KIAA0586: variants seen among roughly 807,000 people sequenced by gnomAD.
The protein encoded by KIAA0586 is KIAA0586, also known as protein TALPID3.
In KIAA0586, 144 loss-of-function variants were observed where a neutral mutation model predicts 169.8. The observed-to-expected ratio is 0.85, with a 90% CI of 0.74 to 0.97. KIAA0586 has a LOEUF of 0.97. KIAA0586 is among the 50% of genes least tolerant of loss of function. The pLI, the probability that KIAA0586 is intolerant of heterozygous loss-of-function variation, is 0.00. For synonymous variants in KIAA0586, 625 were observed against 612.4 expected (o/e 1.02, Z -0.30); for missense variants, 1,854 against 1,823.0 (o/e 1.02, Z -0.31).
In KIAA0586 at chr14:58,537,882, C is replaced by G. The variant is rs992648684; in HGVS notation, c.4430-2189C>G. Among the ~76,000 whole-genome samples the G allele has an allele frequency of 2.6e-5, 4 of 152,166 alleles. No homozygotes were observed. In the East Asian group the frequency reaches 7.7e-4, roughly 29 times the overall value. On this transcript the variant is annotated intron_variant, in intron 29 of 30. Transcript: ENST00000652326. ...CAGGATGGTCTCGATCTCCTGACCT[C>G]CTGATCTTCCCACCTTGGCCTCCCA...
chr14:58,483,083 A>T (rs542643204), intron 21 of KIAA0586, among the ~76,000 whole-genome samples: 3 of 152,344 alleles, frequency 2.0e-5, no homozygotes, highest in Non-Finnish European at 4.4e-5. Flanking sequence ...CCATTGGTGT[A>T]CGTGGAGAAT....
intron 15 of KIAA0586, among the ~76,000 whole-genome samples, chr14:58,466,383 T>C (rs1184049114): frequency 6.6e-6 from 1 of 152,200 alleles, no homozygotes; most frequent in Non-Finnish European, 1.5e-5. Flanking sequence ...CTGCTGTAGT[T>C]TCACCAATAG....
At chr14:58,503,348 G>A (rs1187354349) in intron 27 of KIAA0586, among the ~76,000 whole-genome samples, 1 of 152,202 alleles carries the variant, frequency 6.6e-6, no homozygotes, top group East Asian at 1.9e-4. Flanking sequence ...GTGCAGAGGA[G>A]GAACTTAACT....
At chr14:58,489,975 CTT>C (rs1184946901) in intron 24 of KIAA0586, among the ~76,000 whole-genome samples, 187 bp from the exon 25 acceptor site, 1 of 152,008 alleles carries the variant, frequency 6.6e-6, no homozygotes, top group East Asian at 1.9e-4. Context: ...AAATTCTCAT[CTT>C]TGTTATAAAT....
In KIAA0586 at chr14:58,442,875, A is replaced by G; in HGVS notation, c.580A>G (p.Ile194Val). ...TGCCATTGCAACCGCAGCTCCGTTG[A>G]TAAAGGTATATTTTTCTTCCCAGAT... Reference protein sequence around the residue: ...AAAIATAAPLIKVQSDLEAKV... With the variant: ...AAAIATAAPLVKVQSDLEAKV... Residue 194 changes from isoleucine (I) to valine (V), a missense_variant, in exon 5 of 31, where the codon ATA becomes GTA. Ile to Val is a conservative substitution (Grantham distance 29). Transcript: ENST00000652326. 6.2e-7 allele frequency: 1 copy of G among 1,600,390 alleles called. No individual in the cohort carries two copies. The highest frequency in any genetic ancestry group is 8.5e-7 in the Non-Finnish European group (1 of 1,173,660).
chr14:58,536,899 CA>C (rs1461994027), intron 29 of KIAA0586: 1 of 345,624 alleles, frequency 2.9e-6, no homozygotes, highest in African/African-American at 2.2e-5. Context: ...CAGCATTGCT[CA>C]TTCAAAATTT....
At chr14:58,509,844 A>C (rs2044259804) in intron 28 of KIAA0586, among the ~76,000 whole-genome samples, 1 of 152,076 alleles carries the variant, frequency 6.6e-6, no homozygotes, top group Non-Finnish European at 1.5e-5. Context: ...TGGTCTTATC[A>C]AAAATAAGAA....
chr14:58,450,983 CTTTT>C (rs10712126), intron 8 of KIAA0586, among the ~76,000 whole-genome samples: 3 of 85,390 alleles, frequency 3.5e-5, no homozygotes, highest in Non-Finnish European at 7.0e-5. Flanking sequence ...GTTTTGTTAA[CTTTT>C]TTTTTTTTTT....
chr14:58,464,137 A>C lies in KIAA0586; in HGVS notation c.2060-1698A>C, dbSNP rs374848503. ...TGGGCTGGAAGAACTGGAAGGTGAA[A>C]ACAAGATACCTGCCACACAAAAGAG... is the stretch of plus-strand genomic sequence containing the variant. On this transcript the variant is annotated intron_variant, in intron 14 of 30. Coordinates refer to ENST00000652326, the MANE Select transcript of KIAA0586 (RefSeq NM_001329943.3). The C allele has an allele frequency of 1.2e-5, 5 of 400,838 alleles. 1 individual carries two copies. 24.8% of individuals were successfully genotyped at this position (400,838 alleles called of 1,614,324 possible).
intron 9 of KIAA0586, among the ~76,000 whole-genome samples, chr14:58,454,191 TGA>T: frequency 6.6e-6 from 1 of 152,320 alleles, no homozygotes; most frequent in Admixed American, 6.5e-5. Flanking sequence ...TATTATTTTT[TGA>T]GTTATTTTCT....
At chr14:58,492,053 T>C (rs945886587) in intron 25 of KIAA0586, 91 bp from the exon 26 acceptor site, 9 of 1,049,188 alleles carry the variant, frequency 8.6e-6, no homozygotes, top group Middle Eastern at 3.2e-4. Flanking sequence ...CATCATCTCA[T>C]GACTGATAAG....
In KIAA0586 at chr14:58,429,690, CT is replaced by C. The variant is rs146593175; in HGVS notation, c.270+258del. Reference sequence around the variant, plus strand: ...GAGATAGGATAACTGAAAAGAAACTCTCTTACTATTCAGGGAAAAGGTGTTC... The same window carrying C: ...GAGATAGGATAACTGAAAAGAAACTCCTTACTATTCAGGGAAAAGGTGTTC... On this transcript the variant is annotated intron_variant, in intron 2 of 30. Transcript: ENST00000652326. 0.049 allele frequency among the ~76,000 whole-genome samples: 7,478 copies of C among 152,148 alleles called. 257 individuals are homozygous for C. Among genetic ancestry groups the C allele is most frequent in the South Asian group, 0.11 (547 of 4,824 alleles).
At chr14:58,435,187 C>G (rs1198321512) in intron 4 of KIAA0586, among the ~76,000 whole-genome samples, 3 of 152,192 alleles carry the variant, frequency 2.0e-5, no homozygotes, top group Non-Finnish European at 4.4e-5. Context: ...CAGGCAGTCT[C>G]TCTCCAGAGA....
chr14:58,456,090 C>G (rs186104453), intron 9 of KIAA0586, among the ~76,000 whole-genome samples: 2 of 152,104 alleles, frequency 1.3e-5, no homozygotes, highest in African/African-American at 4.8e-5. Context: ...TGAGTCAGTT[C>G]AAATAAAGAC....
chr14:58,545,703 A>G (rs2046936823), intron 30 of KIAA0586, among the ~76,000 whole-genome samples: 1 of 152,156 alleles, frequency 6.6e-6, no homozygotes, highest in Non-Finnish European at 1.5e-5. Context: ...ATTATATATT[A>G]TTAATGCTTG....
chr14:58,552,162 T>C (rs1220890264), downstream of KIAA0586, among the ~76,000 whole-genome samples: 1 of 152,180 alleles, frequency 6.6e-6, no homozygotes, highest in African/African-American at 2.4e-5. Context: ...ACAGTAGTTT[T>C]TGAAGACTCT....
intron 2 of KIAA0586, 124 bp downstream of exon 2, chr14:58,429,557 A>G: frequency 1.5e-6 from 1 of 688,716 alleles, no homozygotes. Flanking sequence ...TTACCAAAAC[A>G]AATGTTTTAT....
chr14:58,543,063 T>C lies in KIAA0586; in HGVS notation c.4495+2927T>C, dbSNP rs145086012. Among the ~76,000 whole-genome samples the C allele has an allele frequency of 2.1e-3, 310 of 146,144 alleles. 3 individuals carry two copies. The highest frequency in any genetic ancestry group is 0.01 in the Middle Eastern group (3 of 290). On this transcript the variant is annotated intron_variant, in intron 30 of 30. Transcript: ENST00000652326. ...AGGAGAATGGCGTGAACTCAGGAGATGGAGCTTGCAGTGAGCCAAGATTGC... is the reference window on the plus strand; with the variant it reads ...AGGAGAATGGCGTGAACTCAGGAGACGGAGCTTGCAGTGAGCCAAGATTGC...
the KIAA0586 span, among the ~76,000 whole-genome samples, chr14:58,560,021 C>T: frequency 3.9e-4 from 60 of 152,088 alleles, no homozygotes; most frequent in African/African-American, 1.4e-3. Flanking sequence ...CATGATGGCA[C>T]GCGCCTGTAA....
Sources: gnomAD v4.1 joint callset for allele counts (sites outside exome capture counted in the v4.1 genomes callset) on GRCh38, gnomAD v4.1.1 for gene constraint, MANE v1.5 for transcripts, NCBI Gene and HGNC (gene_info 2026-07-23, HGNC 2026-07-21) for gene names.